Variants in ITPR3 observed in about 807,000 individuals in gnomAD.
ITPR3 encodes inositol 1,4,5-trisphosphate receptor type 3, also known as inositol 1,4,5-trisphosphate-gated calcium channel ITPR3.
Under a neutral mutation model 293.2 loss-of-function variants are expected in ITPR3, and 173 were observed. The ratio of observed to expected loss-of-function variants is 0.59; its 90% CI spans 0.52 to 0.67. ITPR3 has a LOEUF of 0.67. Among genes scored for constraint, ITPR3 ranks in the 30% least tolerant of loss-of-function variants. The pLI is 0.00. For missense variants in ITPR3, 2,796 were observed against 3,592.1 expected, an observed-to-expected ratio of 0.78 and a Z score of 5.66; for synonymous variants, 1,295 against 1,444.4, an observed-to-expected ratio of 0.90 and a Z score of 2.35.
chr6:33,675,808 C>T lies in ITPR3; in HGVS notation c.3234C>T (p.Leu1078=). The change falls in exon 25 of 58, where the codon CTC becomes CTT. Residue 1078 remains leucine (L), a synonymous_variant. Coordinates refer to ENST00000605930, the MANE Select transcript of ITPR3 (RefSeq NM_002224.4). This position sits in a 1 kb window ranked among gnomAD's most constrained non-coding sequence, Gnocchi z 5.0. The part of the protein sequence containing the change: ...APLVSGALQL[L]FKHFSQRQEA... ...TGGTCTCGGGTGCCCTGCAGCTGCT[C>T]TTCAAGCACTTCAGCCAGCGCCAGG... 6.3e-7 allele frequency: 1 copy of T among 1,598,264 alleles called. No individual in the cohort carries two copies. Among genetic ancestry groups the T allele is most frequent in the East Asian group, 2.3e-5 (1 of 43,854 alleles).
rs933058573 is a variant in ITPR3 at position 33,655,362 on chromosome 6, A to G, written c.161-404A>G. ...AAGAGGGGTATGTCATTTCCCAGGCATCTGTGTGCAAGATGGTTTCCATCA... is the reference window on the plus strand; with the variant it reads ...AAGAGGGGTATGTCATTTCCCAGGCGTCTGTGTGCAAGATGGTTTCCATCA... On this transcript the variant is annotated intron_variant, in intron 2 of 57. Transcript: ENST00000605930. The surrounding 1 kb of genome is among the most constrained non-coding windows in gnomAD (Gnocchi z 4.9). Among the ~76,000 whole-genome samples, 2 of 152,202 alleles carry G rather than the reference A, an allele frequency of 1.3e-5. No homozygotes were observed. The highest frequency in any genetic ancestry group is 4.1e-4 in the South Asian group (2 of 4,830).
chr6:33,645,908 G>C (rs1427461053), intron 2 of ITPR3, among the ~76,000 whole-genome samples: 1 of 151,852 alleles, frequency 6.6e-6, no homozygotes. Context: ...CACGATCTCA[G>C]CTCACTGCAA....
At chr6:33,674,086 G>A (rs1764841096) in intron 23 of ITPR3, 122 bp from the exon 24 acceptor site, 1 of 1,228,486 alleles carries the variant, frequency 8.1e-7, no homozygotes, top group South Asian at 1.3e-5. Context: ...CCCAGAAAGG[G>A]GCAGGCAGAG....
Position 33,621,362 on chromosome 6 carries a change from G to T in ITPR3, c.-241G>T. On this transcript the variant is annotated 5_prime_UTR_variant, in exon 1 of 58. Coordinates refer to ENST00000605930, the MANE Select transcript of ITPR3 (RefSeq NM_002224.4). This position sits in a 1 kb window ranked among gnomAD's most constrained non-coding sequence, Gnocchi z 7.7. ...TCTACGCTGCAGGTACGCGCGGGCC[G>T]GGCGGGGCGGGCGGGCGGCGGGCGC... 4.2e-6 allele frequency: 1 copy of T among 240,134 alleles called. No individual in the cohort carries two copies. Among genetic ancestry groups the T allele is most frequent in the South Asian group, 1.5e-4 (1 of 6,470 alleles). 14.9% of individuals were successfully genotyped at this position (240,134 alleles called of 1,614,324 possible).
chr6:33,632,638 C>G lies in ITPR3; in HGVS notation c.90-7846C>G, dbSNP rs566612249. On this transcript the variant is annotated intron_variant, in intron 1 of 57. Coordinates refer to ENST00000605930, the MANE Select transcript of ITPR3 (RefSeq NM_002224.4). This position sits in a 1 kb window ranked among gnomAD's most constrained non-coding sequence, Gnocchi z 4.1. The stretch of plus-strand genomic sequence containing the variant: ...CTCCTCTCCAGAGGGCCCAGAACAG[C>G]CCTGCCTGCCCACAGGCCTCCAGCC... Among the ~76,000 whole-genome samples the G allele has an allele frequency of 8.9e-4, 136 of 152,368 alleles. 3 individuals carry two copies. Among genetic ancestry groups the G allele is most frequent in the African/African-American group, 2.1e-3 (86 of 41,574 alleles).
chr6:33,635,564 G>C (rs1453749035), intron 1 of ITPR3, among the ~76,000 whole-genome samples: 1 of 152,202 alleles, frequency 6.6e-6, no homozygotes, highest in Non-Finnish European at 1.5e-5. Context: ...AACAAAATAA[G>C]TAAACTAGCT....
chr6:33,655,624 C>A lies in ITPR3; in HGVS notation c.161-142C>A. On this transcript the variant is annotated intron_variant, in intron 2 of 57. Transcript: ENST00000605930. This position sits in a 1 kb window ranked among gnomAD's most constrained non-coding sequence, Gnocchi z 4.9. Reference sequence around the variant, plus strand: ...TGCTCCAAATTCTGTGAGGTTCTTCCAACCGCTTCCTCTCTACCTGCAGCG... The same window carrying A: ...TGCTCCAAATTCTGTGAGGTTCTTCAAACCGCTTCCTCTCTACCTGCAGCG... 1 of 1,118,694 alleles carries A rather than the reference C, an allele frequency of 8.9e-7. No homozygotes were observed. Among genetic ancestry groups the A allele is most frequent in the Non-Finnish European group, 1.3e-6 (1 of 790,512 alleles). 69.3% of individuals were successfully genotyped at this position (1,118,694 alleles called of 1,614,324 possible). A position where few individuals can be genotyped will look rare whatever the true frequency, so the allele number is the denominator to read the frequency against.
chr6:33,659,193 C>G, intron 6 of ITPR3, 74 bp downstream of exon 6: 1 of 1,365,906 alleles, frequency 7.3e-7, no homozygotes, highest in African/African-American at 1.4e-5. Flanking sequence ...ACCCCGCTCC[C>G]TGCCATGGTC....
Position 33,693,588 on chromosome 6 carries a change from G to A in ITPR3, c.7668G>A (p.Glu2556=), listed in dbSNP as rs1176517986. The A allele has an allele frequency of 3.1e-6, 5 of 1,614,072 alleles. No individual in the cohort carries two copies. The highest frequency in any genetic ancestry group is 4.2e-6 in the Non-Finnish European group (5 of 1,180,032). ...DKFDNKTVSF[E]EHIKLEHNMW... is the part of the protein sequence containing the mutation. ...TTGATAACAAGACAGTGTCATTTGA[G>A]GAACACATCAAGCTGGAGCACAACA... The change falls in exon 56 of 58, where the codon GAG becomes GAA. Residue 2556 remains glutamate, a synonymous_variant. Transcript: ENST00000605930.
intron 2 of ITPR3, among the ~76,000 whole-genome samples, chr6:33,653,120 G>A (rs1333913786): frequency 6.6e-6 from 1 of 151,904 alleles, no homozygotes; most frequent in Non-Finnish European, 1.5e-5. Flanking sequence ...TGTTGCCAAG[G>A]CTGGTCTTGA....
Position 33,690,092 on chromosome 6 carries a change from G to A in ITPR3, c.6926G>A (p.Arg2309Gln), listed in dbSNP as rs750625409. 1 of 1,614,152 alleles carries A rather than the reference G, an allele frequency of 6.2e-7. No homozygotes were observed. The highest frequency in any genetic ancestry group is 8.5e-7 in the Non-Finnish European group (1 of 1,180,040). Residue 2309 changes from arginine (R) to glutamine (Q), a missense_variant, in exon 51 of 58, where the codon CGG (arginine) becomes CAG (glutamine). Physicochemically the swap from Arg to Gln is conservative, Grantham distance 43. Coordinates refer to ENST00000605930, the MANE Select transcript of ITPR3 (RefSeq NM_002224.4). Reference protein sequence around the residue: ...SFVGNRGTFIRGYKAMVMDME... With the variant: ...SFVGNRGTFIQGYKAMVMDME... ...GTGGGCAACCGTGGCACCTTCATCC[G>A]GGGCTATAAGGCCATGGTCATGGAC...
rs1203862222 is a variant in ITPR3, at chr6:33,671,162, C to CAGGT, written c.2587-2_2588dup. 1 of 1,613,422 alleles carries CAGGT rather than the reference C, an allele frequency of 6.2e-7. No homozygotes were observed. The highest frequency in any genetic ancestry group is 1.7e-5 in the Admixed American group (1 of 60,006). ...CCTCACCTCGGCCACGCCCCCTTCG[C>CAGGT]AGGTGGTCAGCCTGGCGCACAATCT... On this transcript the variant is annotated splice_polypyrimidine_tract_variant and splice_region_variant and intron_variant, in intron 20 of 57. Coordinates refer to ENST00000605930, the MANE Select transcript of ITPR3 (RefSeq NM_002224.4).
In ITPR3 at chr6:33,635,247, C is replaced by A. The variant is rs529119217; in HGVS notation, c.90-5237C>A. 4.0e-4 allele frequency among the ~76,000 whole-genome samples: 61 copies of A among 152,278 alleles called. 1 individual carries two copies. The highest frequency in any genetic ancestry group is 1.2e-3 in the Admixed American group (18 of 15,310). ...GACCTCTCCCTTCCCTGAATTCGGA[C>A]GAAACCCACGGCTGGTACCACCAGT... On this transcript the variant is annotated intron_variant, in intron 1 of 57. Coordinates refer to ENST00000605930, the MANE Select transcript of ITPR3 (RefSeq NM_002224.4).
chr6:33,623,594 C>T (rs564871863), intron 1 of ITPR3, among the ~76,000 whole-genome samples: 2 of 152,142 alleles, frequency 1.3e-5, no homozygotes, highest in East Asian at 1.9e-4. Flanking sequence ...TTCCAAAGTG[C>T]GTGAACCACC....
At chr6:33,622,580 G>T (rs1345153394) in intron 1 of ITPR3, among the ~76,000 whole-genome samples, 1 of 152,168 alleles carries the variant, frequency 6.6e-6, no homozygotes, top group Non-Finnish European at 1.5e-5. Context: ...TACAGTCTGG[G>T]GGCCTGGGTT....
At position 33,677,593 on chromosome 6, in the gene ITPR3, G is replaced by A; in HGVS notation, c.3612G>A (p.Lys1204=). The A allele has an allele frequency of 1.2e-6, 2 of 1,614,010 alleles. No homozygotes were observed. Among genetic ancestry groups the A allele is most frequent in the South Asian group, 2.2e-5 (2 of 91,074 alleles). ...QRLLKNMDAH[K]VMLDLLQIPY... ...TGCTGAAGAACATGGATGCCCACAAGGTCATGCTGGACCTGCTGCAGATCC... is the reference window on the plus strand; with the variant it reads ...TGCTGAAGAACATGGATGCCCACAAAGTCATGCTGGACCTGCTGCAGATCC... Residue 1204 remains lysine, a synonymous_variant, in exon 28 of 58, where the codon AAG becomes AAA. Transcript: ENST00000605930.
chr6:33,671,489 C>A (rs915451145), intron 21 of ITPR3, among the ~76,000 whole-genome samples, 183 bp downstream of exon 21: 1 of 152,224 alleles, frequency 6.6e-6, no homozygotes, highest in Non-Finnish European at 1.5e-5. Flanking sequence ...GGTCCCTGCC[C>A]GGACTCCCTG....
In ITPR3 at chr6:33,679,874, A is replaced by T. The variant is rs4713654; in HGVS notation, c.3973-8A>T. Reference sequence around the variant, plus strand: ...GAGAGTGTGACACGTGCCCCCTCCCACCCGCAGCTGACCAATGCAGGTGAC... The same window carrying T: ...GAGAGTGTGACACGTGCCCCCTCCCTCCCGCAGCTGACCAATGCAGGTGAC... On this transcript the variant is annotated splice_polypyrimidine_tract_variant and splice_region_variant and intron_variant, in intron 30 of 57. Transcript: ENST00000605930. The surrounding 1 kb of genome is among the most constrained non-coding windows in gnomAD (Gnocchi z 4.2). 1.2e-6 allele frequency: 2 copies of T among 1,607,082 alleles called. No homozygotes were observed. The highest frequency in any genetic ancestry group is 2.2e-5 in the East Asian group (1 of 44,694).
Position 33,687,234 on chromosome 6 carries a change from C to T in ITPR3, c.6084C>T (p.Val2028=), listed in dbSNP as rs374107269. 13 of 1,612,798 alleles carry T rather than the reference C, an allele frequency of 8.1e-6. No homozygotes were observed. The highest frequency in any genetic ancestry group is 1.1e-5 in the Non-Finnish European group (13 of 1,178,936). The change falls in exon 45 of 58, where the codon GTC becomes GTT. Residue 2028 remains valine (V), a synonymous_variant. Transcript: ENST00000605930. The surrounding 1 kb of genome is among the most constrained non-coding windows in gnomAD (Gnocchi z 5.3). ...ISLRPQELVD[V]IKKAYLQEEE... is the part of the protein sequence containing the mutation. ...AGGCACTGCCCCTCCAGGTGGACGT[C>T]ATCAAGAAGGCCTACCTGCAGGAGG... is the stretch of plus-strand genomic sequence containing the variant.
Sources: allele counts gnomAD v4.1 joint callset (sites outside exome capture counted in the v4.1 genomes callset), GRCh38; gene constraint gnomAD v4.1.1; non-coding constraint Gnocchi (gnomAD v3.1); transcripts MANE v1.5; gene names NCBI Gene and HGNC (gene_info 2026-07-23, HGNC 2026-07-21).